IL1RAPL1: variants seen among roughly 807,000 people sequenced by gnomAD.
IL1RAPL1 encodes interleukin-1 receptor accessory protein-like 1.
Under a neutral mutation model 48.4 loss-of-function variants are expected in IL1RAPL1, and 3 were observed. The ratio of observed to expected loss-of-function variants is 0.06; its 90% CI spans 0.03 to 0.16. IL1RAPL1 has a LOEUF of 0.16. Among genes scored for constraint, IL1RAPL1 ranks in the 10% least tolerant of loss-of-function variants. The pLI is 1.00. For synonymous variants in IL1RAPL1, 185 were observed against 187.7 expected (o/e 0.99, Z 0.12); for missense variants, 349 against 530.6 (o/e 0.66, Z 3.36).
intron 1 of IL1RAPL1, among the ~76,000 whole-genome samples, chrX:28,760,198 A>G (rs1473244830): frequency 9.0e-6 from 1 of 111,627 alleles, no homozygotes; most frequent in Non-Finnish European, 1.9e-5. Context: ...GTAAACAAAA[A>G]TGCTTTGTTT....
intron 2 of IL1RAPL1, among the ~76,000 whole-genome samples, chrX:28,892,042 G>A (rs761557478): frequency 1.1e-4 from 12 of 111,040 alleles, no homozygotes; most frequent in African/African-American, 2.6e-4. Flanking sequence ...TCTTTATAGC[G>A]TTTGGTAATT....
At chrX:28,763,910 T>A (rs1429807550) in intron 1 of IL1RAPL1, among the ~76,000 whole-genome samples, 1 of 111,293 alleles carries the variant, frequency 9.0e-6, no homozygotes, top group Non-Finnish European at 1.9e-5. Flanking sequence ...CATTATATTA[T>A]ATTTTGTGTG....
At chrX:29,780,047 G>C (rs924169083) in intron 6 of IL1RAPL1, among the ~76,000 whole-genome samples, 4 of 109,995 alleles carry the variant, frequency 3.6e-5, no homozygotes, top group Non-Finnish European at 7.6e-5. Flanking sequence ...GCTGACGAAG[G>C]GTGTATTTTT....
At chrX:29,344,978 A>G (rs1441565828) in intron 3 of IL1RAPL1, among the ~76,000 whole-genome samples, 4 of 112,730 alleles carry the variant, frequency 3.5e-5, no homozygotes, top group South Asian at 3.6e-4. Context: ...AGACATTTTT[A>G]ATGGAAACTT....
intron 1 of IL1RAPL1, among the ~76,000 whole-genome samples, chrX:28,743,825 C>G (rs1281181028): frequency 9.0e-6 from 1 of 110,851 alleles, no homozygotes; most frequent in Non-Finnish European, 1.9e-5. Context: ...GCTAATTAAT[C>G]AAATCCTCTA....
intron 1 of IL1RAPL1, among the ~76,000 whole-genome samples, chrX:28,634,397 G>A (rs776589019): frequency 5.6e-5 from 6 of 107,893 alleles, no homozygotes; most frequent in East Asian, 5.8e-4. Flanking sequence ...ACGTATATAC[G>A]TATACACGTA....
At chrX:29,788,165 C>T (rs915326557) in intron 6 of IL1RAPL1, among the ~76,000 whole-genome samples, 2 of 111,166 alleles carry the variant, frequency 1.8e-5, no homozygotes, top group African/African-American at 6.5e-5. Context: ...ATAGAATCTG[C>T]ATTTATTCAG....
intron 1 of IL1RAPL1, among the ~76,000 whole-genome samples, chrX:28,599,580 G>A (rs1438548174): frequency 5.4e-5 from 6 of 111,155 alleles, no homozygotes; most frequent in Non-Finnish European, 5.7e-5. Context: ...GTCCTATTAC[G>A]TGATCAGAAT....
At chrX:28,739,834 C>T (rs765317254) in intron 1 of IL1RAPL1, among the ~76,000 whole-genome samples, 1 of 111,177 alleles carries the variant, frequency 9.0e-6, no homozygotes, top group East Asian at 2.8e-4. Flanking sequence ...TATCCCCCTC[C>T]TTCCCTGCCC....
chrX:29,421,996 G>A (rs1934296692), intron 5 of IL1RAPL1, among the ~76,000 whole-genome samples: 1 of 111,827 alleles, frequency 8.9e-6, no homozygotes. Flanking sequence ...TTATTAACGT[G>A]TGCATGAGGA....
chrX:29,429,126 T>C (rs2147710273), intron 5 of IL1RAPL1, among the ~76,000 whole-genome samples: 1 of 112,266 alleles, frequency 8.9e-6, no homozygotes, highest in African/African-American at 3.2e-5. Context: ...ACTTTTATAG[T>C]GATACCTTTA....
intron 2 of IL1RAPL1, among the ~76,000 whole-genome samples, chrX:29,154,413 G>T (rs1929526988): frequency 9.1e-6 from 1 of 110,159 alleles, no homozygotes; most frequent in Admixed American, 9.8e-5. Context: ...GGTGGCGCAT[G>T]CCTGTAATCC....
At chrX:29,539,533 T>C (rs1189790250) in intron 5 of IL1RAPL1, among the ~76,000 whole-genome samples, 3 of 111,085 alleles carry the variant, frequency 2.7e-5, no homozygotes, top group African/African-American at 9.8e-5. Context: ...TGTTCAATTG[T>C]AATTCCCAAT....
intron 2 of IL1RAPL1, among the ~76,000 whole-genome samples, chrX:29,139,492 A>C (rs1230256456): frequency 9.0e-6 from 1 of 111,502 alleles, no homozygotes; most frequent in Non-Finnish European, 1.9e-5. Flanking sequence ...CTTAATTTGT[A>C]TATTCTTAGC....
chrX:29,355,195 T>C (rs1325177746), intron 3 of IL1RAPL1, among the ~76,000 whole-genome samples: 1 of 112,026 alleles, frequency 8.9e-6, no homozygotes, highest in African/African-American at 3.2e-5. Flanking sequence ...CTACTTTGTT[T>C]GCAGAGCTTC....
At chrX:28,593,485 T>C (rs1193259438) in intron 1 of IL1RAPL1, among the ~76,000 whole-genome samples, 1 of 111,930 alleles carries the variant, frequency 8.9e-6, no homozygotes, top group African/African-American at 3.2e-5. Context: ...ACTATGCTCA[T>C]ATATATCAAA....
intron 2 of IL1RAPL1, among the ~76,000 whole-genome samples, chrX:29,022,512 G>T (rs1275606566): frequency 4.5e-5 from 5 of 111,954 alleles, no homozygotes; most frequent in Non-Finnish European, 1.9e-5. Flanking sequence ...AGTAGATATT[G>T]AGAAAATAAC....
chrX:29,177,840 C>T (rs771933115), intron 2 of IL1RAPL1, among the ~76,000 whole-genome samples: 3 of 111,171 alleles, frequency 2.7e-5, no homozygotes, highest in Admixed American at 9.6e-5. Flanking sequence ...GAGAATATGT[C>T]GTGTTTGGTT....
intron 6 of IL1RAPL1, 105 bp from the exon 7 acceptor site, chrX:29,917,359 T>C (rs1932807368): frequency 1.4e-6 from 1 of 717,463 alleles, no homozygotes; most frequent in Admixed American, 3.3e-5. Flanking sequence ...TAGAAAGATA[T>C]TTTATTAAAT....
Sources: allele counts gnomAD v4.1 joint callset (sites outside exome capture counted in the v4.1 genomes callset), GRCh38; gene constraint gnomAD v4.1.1; transcripts MANE v1.5; gene names NCBI Gene and HGNC (gene_info 2026-07-23, HGNC 2026-07-21).